TCP1: variants seen among roughly 807,000 people sequenced by gnomAD.
TCP1 encodes the protein T-complex protein 1 subunit alpha.
A neutral mutation model predicts 54.7 loss-of-function variants in TCP1; 6 were observed. The ratio of observed to expected loss-of-function variants is 0.11; its 90% confidence interval spans 0.06 to 0.22. The LOEUF (loss-of-function observed/expected upper bound fraction) is 0.22. TCP1 is among the 10% of genes least tolerant of loss of function. The pLI, the probability that TCP1 is intolerant of heterozygous loss-of-function variation, is 1.00. For missense variants in TCP1, 511 were observed against 678.2 expected, an observed-to-expected ratio of 0.75 and a Z score of 2.74; for synonymous variants, 225 against 229.7, an observed-to-expected ratio of 0.98 and a Z score of 0.19.
At position 159,787,937 on chromosome 6, in the gene TCP1, C is replaced by T. The variant is rs753754267; in HGVS notation, c.151-66G>A. On this transcript the variant is annotated intron_variant, in intron 2 of 11. Transcript: ENST00000321394. ...ATCAACACAGCCCCATTATAATACA[C>T]GTTCACCTTTAATATCACCTTCCAG... 5.0e-6 allele frequency: 8 copies of T among 1,607,436 alleles called. No individual in the cohort carries two copies. The African/African-American group carries it at 8.0e-5, about 16-fold the overall frequency.
intron 9 of TCP1, 66 bp downstream of exon 9, chr6:159,780,377 G>A (rs555934341): frequency 1.2e-6 from 2 of 1,609,422 alleles, no homozygotes; most frequent in Non-Finnish European, 1.7e-6. Flanking sequence ...CAAATAAATG[G>A]GAAGAAAACC....
At chr6:159,788,170 AAG>A in intron 1 of TCP1, 27 bp from the exon 2 acceptor site, 1 of 1,607,368 alleles carries the variant, frequency 6.2e-7, no homozygotes, top group Non-Finnish European at 8.5e-7. Context: ...AAAAATAAAA[AAG>A]AAATGAGGAT....
chr6:159,783,894 T>C, intron 7 of TCP1, 47 bp downstream of exon 7: 1 of 1,539,890 alleles, frequency 6.5e-7, no homozygotes. Context: ...GTTAAAGTCC[T>C]CCAAGACACT....
Position 159,780,975 on chromosome 6 carries a change from A to T in TCP1, c.933T>A (p.Val311=). Residue 311 remains valine (V), a synonymous_variant, in exon 8 of 12, where the codon GTT becomes GTA. Transcript: ENST00000321394. The part of the protein sequence containing the change: ...VEAGAMAVRR[V]LKRDLKRIAK... ...CAATGCGTTTAAGGTCCCTTTTTAA[A>T]ACTCTTCTAACTGCCATAGCACCAG... The T allele has an allele frequency of 6.2e-7, 1 of 1,610,868 alleles. No homozygotes were observed. Among genetic ancestry groups the T allele is most frequent in the Non-Finnish European group, 8.5e-7 (1 of 1,179,212 alleles).
At chr6:159,789,372 C>G in intron 1 of TCP1, 33 bp downstream of exon 1, 1 of 1,612,614 alleles carries the variant, frequency 6.2e-7, no homozygotes, top group African/African-American at 1.3e-5. Context: ...CCTCCCCGGC[C>G]GCAAACCCGA....
chr6:159,782,265 A>T (rs58596059), intron 7 of TCP1, among the ~76,000 whole-genome samples: 6,550 of 152,318 alleles, frequency 0.043, 234 homozygotes, highest in African/African-American at 0.082. Context: ...AAGAATTTTT[A>T]AAGTAAAATG....
At chr6:159,779,292 G>A (rs576589472) in intron 11 of TCP1, 31 bp from the exon 12 acceptor site, 161 of 1,577,278 alleles carry the variant, frequency 1.0e-4, no homozygotes, top group Non-Finnish European at 1.3e-4. Context: ...TTTAACGGCC[G>A]CTTACAATTT....
chr6:159,782,275 G>A (rs902539969), intron 7 of TCP1, among the ~76,000 whole-genome samples: 2 of 152,190 alleles, frequency 1.3e-5, no homozygotes, highest in Non-Finnish European at 2.9e-5. Context: ...AAAGTAAAAT[G>A]AATTACAGAT....
intron 5 of TCP1, 169 bp downstream of exon 5, chr6:159,785,217 G>A (rs142639726): frequency 5.9e-4 from 373 of 629,154 alleles, no homozygotes; most frequent in Non-Finnish European, 8.4e-4. Flanking sequence ...ACCCACTCCC[G>A]AGACAGGGTC....
At chr6:159,784,111 A>C (rs1052106627) in intron 6 of TCP1, 44 bp from the exon 7 acceptor site, 1 of 1,585,950 alleles carries the variant, frequency 6.3e-7, no homozygotes, top group Non-Finnish European at 8.6e-7. Context: ...TATCCTTAAA[A>C]GCATAATAAA....
chr6:159,782,095 A>T lies in TCP1; in HGVS notation c.798-985T>A, dbSNP rs565967910. ...ACAAGAGTTTTGGGGGCAGGATGGG[A>T]AATGAGAGTTTAGTTGAGGACAAGA... On this transcript the variant is annotated intron_variant, in intron 7 of 11. Transcript: ENST00000321394. Among the ~76,000 whole-genome samples the T allele has an allele frequency of 5.3e-5, 8 of 152,266 alleles. No individual in the cohort carries two copies. In the South Asian group the frequency reaches 1.7e-3, roughly 32 times the overall value.
intron 1 of TCP1, 120 bp from the exon 2 acceptor site, chr6:159,788,263 ATC>A: frequency 1.1e-6 from 1 of 907,694 alleles, no homozygotes; most frequent in Non-Finnish European, 1.7e-6. Flanking sequence ...AAATCTACAA[ATC>A]TGTGTTAATT....
chr6:159,785,352 AAGT>A, intron 5 of TCP1, 31 bp downstream of exon 5: 4 of 1,534,860 alleles, frequency 2.6e-6, no homozygotes, highest in Non-Finnish European at 3.6e-6. Context: ...ATGCTTTAAA[AAGT>A]CTAAATTTTA....
intron 4 of TCP1, 36 bp downstream of exon 4, chr6:159,785,864 A>G (rs1780685382): frequency 1.3e-6 from 2 of 1,547,060 alleles, no homozygotes; most frequent in South Asian, 2.2e-5. Context: ...CAACTATTAC[A>G]TCAAAAAAAA....
At position 159,778,929 on chromosome 6, in the gene TCP1, T is replaced by C. The variant is rs1780502286; in HGVS notation, c.*116A>G. On this transcript the variant is annotated 3_prime_UTR_variant, in exon 12 of 12. Coordinates refer to ENST00000321394, the MANE Select transcript of TCP1 (RefSeq NM_030752.3). ...GGACCAAAGTACAGATGGAAACCAT[T>C]TCCTACATCACAAAAACCCAAGTTT... 6.4e-7 allele frequency: 1 copy of C among 1,568,478 alleles called. No homozygotes were observed. The highest frequency in any genetic ancestry group is 1.2e-5 in the South Asian group (1 of 84,812).
At chr6:159,782,722 GTGTT>G (rs1159427401) in intron 7 of TCP1, among the ~76,000 whole-genome samples, 1 of 152,170 alleles carries the variant, frequency 6.6e-6, no homozygotes, top group East Asian at 1.9e-4. Flanking sequence ...AGAGGTATGT[GTGTT>G]TGGAGCTTAG....
rs774242898 is a variant in TCP1, at chr6:159,778,653, C to G, written c.*392G>C. 9 of 1,613,502 alleles carry G rather than the reference C, an allele frequency of 5.6e-6. No homozygotes were observed. The highest frequency in any genetic ancestry group is 7.6e-6 in the Non-Finnish European group (9 of 1,179,606). ...TAAACAATCTAAATCTTTTCTCCCC[C>G]GTTAGGTCAATATTGAAGGAGGGGC... On this transcript the variant is annotated 3_prime_UTR_variant, in exon 12 of 12. Transcript: ENST00000321394.
chr6:159,786,118 C>T (rs1313495919), intron 3 of TCP1, 121 bp from the exon 4 acceptor site: 10 of 733,558 alleles, frequency 1.4e-5, no homozygotes, highest in Non-Finnish European at 2.3e-5. Context: ...AATGAATTAA[C>T]TGGTTATTAG....
In TCP1 at chr6:159,789,175, T is replaced by G. The variant is rs939571263; in HGVS notation, c.64+230A>C. On this transcript the variant is annotated intron_variant, in intron 1 of 11. Transcript: ENST00000321394. ...CCGCCCCGGACACCACATCCACGCG[T>G]TGCCGGTCTCAAAACCCTGCCGCGC... 7.7e-5 allele frequency: 40 copies of G among 519,950 alleles called. 1 individual carries two copies. The Admixed American group carries it at 8.9e-4, about 12-fold the overall frequency. 32.2% of individuals were successfully genotyped at this position (519,950 alleles called of 1,614,324 possible).
Sources: gnomAD v4.1 joint callset for allele counts (sites outside exome capture counted in the v4.1 genomes callset) on GRCh38, gnomAD v4.1.1 for gene constraint, MANE v1.5 for transcripts, NCBI Gene and HGNC (gene_info 2026-07-23, HGNC 2026-07-21) for gene names.